The following NELL2 variants were observed in gnomAD, a reference collection of about 807,000 sequenced individuals.
NELL2 encodes neural EGFL like 2, also known as protein kinase C-binding protein NELL2.
Under a neutral mutation model 109.6 loss-of-function variants are expected in NELL2, and 41 were observed. The ratio of observed to expected loss-of-function variants is 0.37; its 90% confidence interval spans 0.29 to 0.49. The LOEUF is 0.49. NELL2 is among the 20% of genes least tolerant of loss of function. The pLI is 0.98. For synonymous variants in NELL2, 355 were observed against 344.7 expected (o/e 1.03, Z -0.33); for missense variants, 900 against 1,008.3 (o/e 0.89, Z 1.45).
chr12:44,750,605 A>G (rs978450329), intron 9 of NELL2, among the ~76,000 whole-genome samples: 20 of 152,172 alleles, frequency 1.3e-4, no homozygotes, highest in African/African-American at 4.8e-4. Context: ...TCAGGTGACC[A>G]TTGCTCATGG....
intron 15 of NELL2, among the ~76,000 whole-genome samples, chr12:44,605,172 A>G (rs986614500): frequency 2.0e-5 from 3 of 152,170 alleles, no homozygotes; most frequent in Admixed American, 6.5e-5. Context: ...TGCACTGGAT[A>G]AAAGCCTGGA....
chr12:44,674,882 G>GT (rs1173364105), intron 12 of NELL2, among the ~76,000 whole-genome samples: 2 of 152,194 alleles, frequency 1.3e-5, no homozygotes, highest in South Asian at 2.1e-4. Context: ...ATTTTATTAA[G>GT]TTTTTTTTAA....
chr12:44,548,315 G>T (rs1942885894), intron 15 of NELL2, among the ~76,000 whole-genome samples: 1 of 151,940 alleles, frequency 6.6e-6, no homozygotes, highest in Non-Finnish European at 1.5e-5. Context: ...TAAAATTTTG[G>T]CCCACAGTGA....
At position 44,909,929 on chromosome 12, in the gene NELL2, G is replaced by A. The variant is rs145337190; in HGVS notation, c.38+3870C>T. Among the ~76,000 whole-genome samples, 1,014 of 151,974 alleles carry A rather than the reference G, an allele frequency of 6.7e-3. 10 individuals carry two copies. The highest frequency in any genetic ancestry group is 0.023 in the African/African-American group (942 of 41,480). On this transcript the variant is annotated intron_variant, in intron 1 of 20. Coordinates refer to the NELL2 transcript ENST00000333837. Reference sequence around the variant, plus strand: ...TGCTGGAATAGCTGTCCAGCTATACGCAGAATAATGAAATTGGACCCTTAT... The same window carrying A: ...TGCTGGAATAGCTGTCCAGCTATACACAGAATAATGAAATTGGACCCTTAT...
chr12:44,609,267 A>T (rs1479175208), intron 14 of NELL2, among the ~76,000 whole-genome samples: 1 of 151,924 alleles, frequency 6.6e-6, no homozygotes, highest in Non-Finnish European at 1.5e-5. Context: ...GGTTTACGTG[A>T]ATACAAGCAT....
intron 15 of NELL2, among the ~76,000 whole-genome samples, chr12:44,557,501 A>G (rs1480786511): frequency 3.3e-5 from 5 of 152,184 alleles, no homozygotes; most frequent in Admixed American, 1.3e-4. Context: ...TGCCAAGAGG[A>G]TCAATGCAGA....
intron 7 of NELL2, among the ~76,000 whole-genome samples, chr12:44,776,468 C>A (rs1325603364): frequency 6.6e-6 from 1 of 152,104 alleles, no homozygotes; most frequent in African/African-American, 2.4e-5. Context: ...TGTTTAATTT[C>A]ATTTATATGC....
intron 13 of NELL2, among the ~76,000 whole-genome samples, chr12:44,623,727 G>A (rs901249023): frequency 1.3e-5 from 2 of 152,032 alleles, no homozygotes; most frequent in Non-Finnish European, 2.9e-5. Context: ...CCCTTCTTCT[G>A]ATGTTTGCCA....
At chr12:44,623,331 TTAC>T (rs1242868950) in intron 13 of NELL2, among the ~76,000 whole-genome samples, 2 of 152,152 alleles carry the variant, frequency 1.3e-5, no homozygotes, top group Admixed American at 1.3e-4. Context: ...AATGGCTAAC[TTAC>T]ACCTGTGTTT....
intron 5 of NELL2, 34 bp from the exon 6 acceptor site, chr12:44,777,348 A>G (rs181120750): frequency 9.6e-5 from 148 of 1,545,630 alleles, no homozygotes; most frequent in Admixed American, 1.2e-4. Context: ...AAGACATATT[A>G]CTTTCATTTA....
intron 12 of NELL2, among the ~76,000 whole-genome samples, chr12:44,668,383 G>A (rs905111816): frequency 1.3e-5 from 2 of 152,096 alleles, no homozygotes; most frequent in African/African-American, 2.4e-5. Flanking sequence ...CCTCAGGACT[G>A]GCCATGTGCC....
intron 19 of NELL2, among the ~76,000 whole-genome samples, chr12:44,519,006 C>G (rs1941404928): frequency 6.6e-6 from 1 of 152,148 alleles, no homozygotes; most frequent in Non-Finnish European, 1.5e-5. Context: ...AAAATGGCAT[C>G]TCAAAGCTTA....
At chr12:44,755,149 C>G (rs1026945676) in intron 9 of NELL2, among the ~76,000 whole-genome samples, 2 of 152,158 alleles carry the variant, frequency 1.3e-5, no homozygotes, top group African/African-American at 4.8e-5. Flanking sequence ...CCTTTTGGCT[C>G]TCCCTGAATC....
chr12:44,684,667 C>T (rs530212284), intron 12 of NELL2, among the ~76,000 whole-genome samples: 29 of 152,258 alleles, frequency 1.9e-4, no homozygotes, highest in African/African-American at 6.7e-4. Flanking sequence ...GCCTTCATTT[C>T]GTTATGTACC....
In NELL2 at chr12:44,816,137, C is replaced by A. The variant is rs76394845; in HGVS notation, c.185-1G>T. ...GATGCTTTTATGCTTCTGGGAGTAT[C>A]TAAAAAAGAAACAAACATATACTAA... On this transcript the variant is annotated splice_acceptor_variant, in intron 2 of 19. Transcript: ENST00000429094. LOFTEE classifies it high-confidence loss of function. The A allele has an allele frequency of 6.3e-7, 1 of 1,581,320 alleles. No homozygotes were observed. The highest frequency in any genetic ancestry group is 1.4e-5 in the African/African-American group (1 of 72,864).
chr12:44,571,929 C>T (rs1047335117), intron 15 of NELL2, among the ~76,000 whole-genome samples: 2 of 151,848 alleles, frequency 1.3e-5, no homozygotes, highest in Non-Finnish European at 2.9e-5. Context: ...TTACAGCCAC[C>T]CATGTATACA....
intron 12 of NELL2, among the ~76,000 whole-genome samples, chr12:44,676,298 T>C (rs1013309431): frequency 3.3e-5 from 5 of 152,018 alleles, no homozygotes; most frequent in African/African-American, 1.2e-4. Context: ...GATTTGAGAG[T>C]AACATTTGGG....
intron 1 of NELL2, among the ~76,000 whole-genome samples, chr12:44,902,508 C>T (rs1024326226): frequency 6.6e-6 from 1 of 152,120 alleles, no homozygotes; most frequent in Non-Finnish European, 1.5e-5. Context: ...ATGCTATTCC[C>T]ATCAAGCTAC....
intron 3 of NELL2, among the ~76,000 whole-genome samples, chr12:44,790,716 A>C (rs1393159789): frequency 6.6e-6 from 1 of 152,034 alleles, no homozygotes; most frequent in Admixed American, 6.5e-5. Context: ...AGAGATACAG[A>C]ACCGTAGAAT....
Sources: gnomAD v4.1 joint callset for allele counts (sites outside exome capture counted in the v4.1 genomes callset) on GRCh38, gnomAD v4.1.1 for gene constraint, MANE v1.5 for transcripts, NCBI Gene and HGNC (gene_info 2026-07-23, HGNC 2026-07-21) for gene names.